The following KIZ variants were observed in gnomAD, a reference collection of about 807,000 sequenced individuals.
The protein encoded by KIZ is centrosomal protein kizuna.
In KIZ, 68 loss-of-function variants were observed where a neutral mutation model predicts 79.6. The observed-to-expected ratio is 0.85, with a 90% CI of 0.70 to 1.05. KIZ has a LOEUF of 1.05. KIZ is among the 50% of genes least tolerant of loss of function. The pLI, the probability that KIZ is intolerant of heterozygous loss-of-function variation, is 0.00. For missense variants in KIZ, 797 were observed against 800.4 expected (o/e 1.00, Z 0.05); for synonymous variants, 280 against 281.8 (o/e 0.99, Z 0.06).
At chr20:21,173,458 A>G (rs1600451961) in intron 6 of KIZ, among the ~76,000 whole-genome samples, 1 of 151,952 alleles carries the variant, frequency 6.6e-6, no homozygotes, top group East Asian at 1.9e-4. Flanking sequence ...GGTGCCTGTA[A>G]TCCCAGCTAC....
At chr20:21,190,973 A>G (rs2035081036) in intron 6 of KIZ, among the ~76,000 whole-genome samples, 1 of 152,092 alleles carries the variant, frequency 6.6e-6, no homozygotes, top group African/African-American at 2.4e-5. Context: ...ATGGAGGAGG[A>G]GGGAGGTGGA....
chr20:21,126,436 A>G (rs547473294), intron 1 of KIZ, among the ~76,000 whole-genome samples: 2 of 152,220 alleles, frequency 1.3e-5, no homozygotes, highest in South Asian at 2.1e-4. Context: ...CGTCAATAGC[A>G]GCTAAAGCCT....
intron 4 of KIZ, chr20:21,150,884 A>C (rs1387882069): frequency 6.6e-6 from 1 of 152,258 alleles, no homozygotes; most frequent in African/African-American, 2.4e-5. Flanking sequence ...CTCTGAGTGA[A>C]GGGTACTCCC....
intron 9 of KIZ, among the ~76,000 whole-genome samples, chr20:21,223,193 C>T (rs543395280): frequency 2.6e-5 from 4 of 152,078 alleles, no homozygotes; most frequent in Admixed American, 6.6e-5. Context: ...TTAAAGGTTT[C>T]CTGAGGTTGA....
At chr20:21,136,862 G>A (rs1290389270) in intron 3 of KIZ, among the ~76,000 whole-genome samples, 1 of 152,122 alleles carries the variant, frequency 6.6e-6, no homozygotes, top group East Asian at 1.9e-4. Context: ...ATGTTTTGTT[G>A]TTCATAATTA....
rs1043563954 is a variant in KIZ, at chr20:21,168,615, G to A, written c.1352+5456G>A. Among the ~76,000 whole-genome samples the A allele has an allele frequency of 6.2e-4, 95 of 152,246 alleles. 2 individuals carry two copies. The highest frequency in any genetic ancestry group is 2.1e-3 in the African/African-American group (88 of 41,540). On this transcript the variant is annotated intron_variant, in intron 6 of 12. Coordinates refer to ENST00000619189, the MANE Select transcript of KIZ (RefSeq NM_018474.6). ...TTCATATAGAACCAAAAGAGAGCCC[G>A]CATCGCCAAGTCAATCCTAAGCCAA...
intron 6 of KIZ, chr20:21,194,938 T>C (rs1258597113): frequency 6.6e-6 from 1 of 152,224 alleles, no homozygotes; most frequent in Admixed American, 6.5e-5. Context: ...AGTTGTATGC[T>C]CAGCATTGTG....
rs889961365 is a variant in KIZ at position 21,167,042 on chromosome 20, T to C, written c.1352+3883T>C. Among the ~76,000 whole-genome samples, 7 of 152,338 alleles carry C rather than the reference T, an allele frequency of 4.6e-5. No homozygotes were observed. The East Asian group carries it at 1.2e-3, about 25-fold the overall frequency. ...GTCCTACAGCCACAAGGAAATTGAT[T>C]CTGCCAATAACCAGTGAGTGTGGAA... On this transcript the variant is annotated intron_variant, in intron 6 of 12. Coordinates refer to ENST00000619189, the MANE Select transcript of KIZ (RefSeq NM_018474.6).
At chr20:21,164,183 A>T (rs1039076649) in intron 6 of KIZ, among the ~76,000 whole-genome samples, 3 of 152,234 alleles carry the variant, frequency 2.0e-5, no homozygotes, top group African/African-American at 7.2e-5. Context: ...TTTGTACGGC[A>T]TATGTTCTCT....
chr20:21,156,359 A>G (rs1257836044), intron 4 of KIZ, among the ~76,000 whole-genome samples: 1 of 152,160 alleles, frequency 6.6e-6, no homozygotes, highest in East Asian at 1.9e-4. Flanking sequence ...ATTCAATATA[A>G]TGTTTATAGA....
chr20:21,160,422 CAT>C (rs2033599539), intron 4 of KIZ, among the ~76,000 whole-genome samples: 2 of 152,270 alleles, frequency 1.3e-5, no homozygotes, highest in Admixed American at 1.3e-4. Flanking sequence ...GACATTGGCT[CAT>C]GTGTCCTTCC....
intron 11 of KIZ, among the ~76,000 whole-genome samples, chr20:21,239,649 G>T (rs1569007186): frequency 6.6e-6 from 1 of 152,158 alleles, no homozygotes; most frequent in Non-Finnish European, 1.5e-5. Flanking sequence ...TGACTGTGTA[G>T]ACCAATTCTA....
Position 21,214,530 on chromosome 20 carries a change from T to C in KIZ, c.1447-5T>C. ...TTTCTTTGTGCTTTTTTTGAAACACTGTAGGCAACAGCATTATTGAGAAAA... is the reference window on the plus strand; with the variant it reads ...TTTCTTTGTGCTTTTTTTGAAACACCGTAGGCAACAGCATTATTGAGAAAA... On this transcript the variant is annotated splice_polypyrimidine_tract_variant and splice_region_variant and intron_variant, in intron 7 of 12. Coordinates refer to ENST00000619189, the MANE Select transcript of KIZ (RefSeq NM_018474.6). 6.2e-7 allele frequency: 1 copy of C among 1,609,718 alleles called. No homozygotes were observed. The highest frequency in any genetic ancestry group is 8.5e-7 in the Non-Finnish European group (1 of 1,176,900).
intron 1 of KIZ, among the ~76,000 whole-genome samples, chr20:21,130,114 C>T (rs1442734165): frequency 2.0e-5 from 3 of 151,894 alleles, no homozygotes; most frequent in Admixed American, 2.0e-4. Context: ...CTTTTTTTTC[C>T]CCCTGGTCCA....
chr20:21,163,076 A>G lies in KIZ; in HGVS notation c.1269A>G (p.Leu423=), dbSNP rs1434072379. Residue 423 remains leucine (L), a synonymous_variant, in exon 6 of 13, where the codon CTA becomes CTG. Transcript: ENST00000619189. The stretch of plus-strand genomic sequence containing the variant: ...ATGCTGAGCAAGAAAGAGTTGCCCT[A>G]TCCACTGAAAAAAATTGTATTTTGC... The part of the protein sequence containing the change: ...LIHAEQERVA[L]STEKNCILQT... 1.9e-6 allele frequency: 3 copies of G among 1,613,712 alleles called. No homozygotes were observed. Among genetic ancestry groups the G allele is most frequent in the Admixed American group, 3.3e-5 (2 of 60,006 alleles).
At chr20:21,169,771 T>C (rs1039974759) in intron 6 of KIZ, among the ~76,000 whole-genome samples, 2 of 152,202 alleles carry the variant, frequency 1.3e-5, no homozygotes, top group Admixed American at 1.3e-4. Flanking sequence ...CAAGTACTGA[T>C]CTTTTTAGTG....
At position 21,244,270 on chromosome 20, in the gene KIZ, A is replaced by T. The variant is rs376761424; in HGVS notation, c.1906A>T (p.Ile636Phe). 6.2e-7 allele frequency: 1 copy of T among 1,602,728 alleles called. No individual in the cohort carries two copies. Among genetic ancestry groups the T allele is most frequent in the Non-Finnish European group, 8.5e-7 (1 of 1,170,088 alleles). The part of the protein sequence containing the change: ...SRHENKKKPV[I>F]NLKSNALWDE... ...GCATGAAAACAAAAAGAAACCCGTG[A>T]TCAATTTAAAATCTAATGGTGAGAG... Residue 636 changes from isoleucine to phenylalanine, a missense_variant, in exon 12 of 13, where the codon ATC (isoleucine) becomes TTC (phenylalanine). Transcript: ENST00000619189.
intron 4 of KIZ, among the ~76,000 whole-genome samples, chr20:21,156,380 ATTG>A (rs1236561832): frequency 6.6e-6 from 1 of 152,234 alleles, no homozygotes; most frequent in Admixed American, 6.5e-5. Context: ...ATGGTATTAC[ATTG>A]TTATCAGTCT....
chr20:21,227,264 T>C (rs955841799), intron 9 of KIZ, among the ~76,000 whole-genome samples: 4 of 152,166 alleles, frequency 2.6e-5, no homozygotes, highest in Admixed American at 6.5e-5. Flanking sequence ...CACGTTTTCC[T>C]GGTTTCTGAG....
Sources: allele counts gnomAD v4.1 joint callset (sites outside exome capture counted in the v4.1 genomes callset), GRCh38; gene constraint gnomAD v4.1.1; transcripts MANE v1.5; gene names NCBI Gene and HGNC (gene_info 2026-07-23, HGNC 2026-07-21).